DLC1: variants seen among roughly 807,000 people sequenced by gnomAD.
The protein encoded by DLC1 is DLC1 Rho GTPase activating protein.
In DLC1, 54 loss-of-function variants were observed where a neutral mutation model predicts 140.3. The observed-to-expected ratio is 0.38, with a 90% CI of 0.31 to 0.48. DLC1 has a LOEUF of 0.48. Ranked by LOEUF, DLC1 falls within the 20% of genes least tolerant of loss-of-function variation. DLC1 has a pLI of 0.96. For synonymous variants in DLC1, 986 were observed against 728.1 expected (o/e 1.35, Z -5.70); for missense variants, 2,536 against 1,907.0 (o/e 1.33, Z -6.14).
chr8:13,532,284 A>G (rs1293131807), intron 1 of DLC1, among the ~76,000 whole-genome samples: 1 of 152,078 alleles, frequency 6.6e-6, no homozygotes, highest in African/African-American at 2.4e-5. Context: ...CAACAACAAC[A>G]ACAAAACCCC....
At chr8:13,420,810 A>G (rs1408066546) in intron 2 of DLC1, among the ~76,000 whole-genome samples, 1 of 151,988 alleles carries the variant, frequency 6.6e-6, no homozygotes, top group African/African-American at 2.4e-5. Flanking sequence ...TGACCTTTAT[A>G]GTGGCTCCAT....
intron 5 of DLC1, among the ~76,000 whole-genome samples, chr8:13,246,989 C>G (rs994864682): frequency 6.6e-5 from 10 of 152,132 alleles, no homozygotes; most frequent in African/African-American, 2.4e-4. Flanking sequence ...CTGAGTGTCT[C>G]TCTTAAATAC....
At chr8:13,450,285 T>G (rs1418813581) in intron 2 of DLC1, among the ~76,000 whole-genome samples, 1 of 151,362 alleles carries the variant, frequency 6.6e-6, no homozygotes, top group Non-Finnish European at 1.5e-5. Flanking sequence ...TGAAACGCTG[T>G]CTCTACTAAA....
At chr8:13,368,822 G>A (rs897607235) in intron 4 of DLC1, among the ~76,000 whole-genome samples, 9 of 152,048 alleles carry the variant, frequency 5.9e-5, no homozygotes, top group African/African-American at 2.2e-4. Flanking sequence ...CATCTCTGAT[G>A]ATGGTTATTT....
intron 1 of DLC1, among the ~76,000 whole-genome samples, chr8:13,602,801 A>G (rs1468556523): frequency 1.3e-5 from 2 of 151,918 alleles, no homozygotes; most frequent in Non-Finnish European, 2.9e-5. Context: ...GTATTTTCCA[A>G]TACTGTGAAG....
At chr8:13,216,939 C>T (rs889711239) in intron 5 of DLC1, among the ~76,000 whole-genome samples, 7 of 152,106 alleles carry the variant, frequency 4.6e-5, no homozygotes, top group African/African-American at 1.7e-4. Context: ...GTGTGCCTCC[C>T]CTGAAACTTG....
chr8:13,299,569 A>T (rs1832100054), intron 5 of DLC1, among the ~76,000 whole-genome samples: 1 of 150,012 alleles, frequency 6.7e-6, no homozygotes, highest in South Asian at 2.1e-4. Context: ...CATGCCACAG[A>T]CCTAGGCAGA....
chr8:13,601,583 G>A (rs1298682113), intron 1 of DLC1, among the ~76,000 whole-genome samples: 2 of 151,394 alleles, frequency 1.3e-5, no homozygotes, highest in Non-Finnish European at 3.0e-5. Flanking sequence ...TATGAAGCTG[G>A]GATATGAGAT....
intron 4 of DLC1, among the ~76,000 whole-genome samples, chr8:13,358,784 C>T (rs373108743): frequency 2.0e-5 from 3 of 152,022 alleles, no homozygotes; most frequent in African/African-American, 4.8e-5. Flanking sequence ...CTAGAGATGG[C>T]CATTTTCTTT....
At chr8:13,461,760 T>G (rs902877359) in intron 2 of DLC1, among the ~76,000 whole-genome samples, 4 of 152,184 alleles carry the variant, frequency 2.6e-5, no homozygotes, top group Non-Finnish European at 5.9e-5. Flanking sequence ...ACCCAGGATC[T>G]CACAGCTAAG....
At chr8:13,244,008 G>GA (rs1563193476) in intron 5 of DLC1, among the ~76,000 whole-genome samples, 1 of 152,150 alleles carries the variant, frequency 6.6e-6, no homozygotes, top group African/African-American at 2.4e-5. Context: ...TTCCTCACCT[G>GA]GGGGAACCAC....
intron 5 of DLC1, among the ~76,000 whole-genome samples, chr8:13,249,610 C>G (rs1370796353): frequency 6.6e-6 from 1 of 152,174 alleles, no homozygotes; most frequent in Non-Finnish European, 1.5e-5. Flanking sequence ...ATTCCTTTCT[C>G]AGACTTCCAA....
intron 6 of DLC1, among the ~76,000 whole-genome samples, chr8:13,111,712 A>G (rs781355312): frequency 3.9e-5 from 6 of 152,070 alleles, no homozygotes; most frequent in Non-Finnish European, 5.9e-5. Flanking sequence ...CCCAACTATG[A>G]GGGCAAATCA....
intron 7 of DLC1, among the ~76,000 whole-genome samples, chr8:13,108,256 A>G (rs1233456246): frequency 6.6e-6 from 1 of 152,118 alleles, no homozygotes; most frequent in Non-Finnish European, 1.5e-5. Flanking sequence ...CCTTTTTTAA[A>G]AAAGAAAATC....
chr8:13,392,515 C>G (rs1836806391), intron 4 of DLC1, among the ~76,000 whole-genome samples: 1 of 152,056 alleles, frequency 6.6e-6, no homozygotes, highest in Non-Finnish European at 1.5e-5. Context: ...CTTTTGAGTC[C>G]TATTTTAGAC....
intron 5 of DLC1, among the ~76,000 whole-genome samples, chr8:13,172,144 T>C (rs79078201): frequency 0.16 from 24,034 of 152,190 alleles, 2,011 homozygotes; most frequent in South Asian, 0.22. Context: ...GTAGCTATTT[T>C]TATAATTAAT....
At chr8:13,547,150 G>A (rs557567144) in intron 1 of DLC1, among the ~76,000 whole-genome samples, 190 of 152,090 alleles carry the variant, frequency 1.2e-3, no homozygotes, top group African/African-American at 4.4e-3. Flanking sequence ...CTTGTATGAA[G>A]AACAGTTTAA....
intron 5 of DLC1, among the ~76,000 whole-genome samples, chr8:13,165,278 T>A (rs545314761): frequency 6.6e-6 from 1 of 152,196 alleles, no homozygotes; most frequent in Non-Finnish European, 1.5e-5. Flanking sequence ...AATGAGATTC[T>A]AAGTGTTCAG....
chr8:13,497,715 C>A (rs1363670449), intron 2 of DLC1, among the ~76,000 whole-genome samples: 3 of 152,158 alleles, frequency 2.0e-5, no homozygotes, highest in Admixed American at 6.5e-5. Flanking sequence ...GTCATTACAG[C>A]ATTCCCTCAA....
Sources: gnomAD v4.1 joint callset for allele counts (sites outside exome capture counted in the v4.1 genomes callset) on GRCh38, gnomAD v4.1.1 for gene constraint, MANE v1.5 for transcripts, NCBI Gene and HGNC (gene_info 2026-07-23, HGNC 2026-07-21) for gene names.